Variants in FOXO1 observed in about 807,000 individuals in gnomAD.
The protein encoded by FOXO1 is forkhead box protein O1.
A neutral mutation model predicts 44.1 loss-of-function variants in FOXO1; 6 were observed. That is an observed-to-expected ratio of 0.14 (90% confidence interval 0.07 to 0.27). The LOEUF is 0.27. FOXO1 is among the 10% of genes least tolerant of loss of function. The pLI is 1.00. For synonymous variants in FOXO1, 380 were observed against 362.7 expected (o/e 1.05, Z -0.54); for missense variants, 737 against 888.8 (o/e 0.83, Z 2.17).
intron 1 of FOXO1, among the ~76,000 whole-genome samples, chr13:40,597,027 G>A (rs748366872): frequency 1.9e-4 from 29 of 152,184 alleles, no homozygotes; most frequent in Non-Finnish European, 3.5e-4. Flanking sequence ...TGTCCTTCAT[G>A]AGCCAGCAGC....
At chr13:40,591,785 T>G (rs1171946938) in intron 1 of FOXO1, among the ~76,000 whole-genome samples, 1 of 152,124 alleles carries the variant, frequency 6.6e-6, no homozygotes, top group Non-Finnish European at 1.5e-5. Flanking sequence ...CACTGCAACC[T>G]CCACCTCCCA....
intron 1 of FOXO1, among the ~76,000 whole-genome samples, chr13:40,576,244 G>A (rs1265693643): frequency 6.6e-6 from 1 of 152,170 alleles, no homozygotes; most frequent in Non-Finnish European, 1.5e-5. Context: ...GAGAGAGAGA[G>A]AGGAGGTACG....
In FOXO1 at chr13:40,619,755, T is replaced by C. The variant is rs550382929; in HGVS notation, c.630+45828A>G. 2.9e-4 allele frequency: 247 copies of C among 862,924 alleles called. 1 individual carries two copies. The African/African-American group carries it at 3.4e-3, about 12-fold the overall frequency. 53.5% of individuals were successfully genotyped at this position (862,924 alleles called of 1,614,324 possible). A position where few individuals can be genotyped will look rare whatever the true frequency, so the allele number is the denominator to read the frequency against. On this transcript the variant is annotated intron_variant, in intron 1 of 2. Coordinates refer to ENST00000379561, the MANE Select transcript of FOXO1 (RefSeq NM_002015.4). ...TCTCAACAGTAGGAAGATTAAAAAA[T>C]GGAACTGGGGGATCAGCTGGCATTC... is the stretch of plus-strand genomic sequence containing the variant.
chr13:40,623,298 T>C (rs1322511974), intron 1 of FOXO1, among the ~76,000 whole-genome samples: 1 of 152,158 alleles, frequency 6.6e-6, no homozygotes, highest in Admixed American at 6.5e-5. Context: ...CGGGGGTCCG[T>C]GTGGGGCATT....
At chr13:40,590,352 T>C (rs1382133450) in intron 1 of FOXO1, among the ~76,000 whole-genome samples, 3 of 152,182 alleles carry the variant, frequency 2.0e-5, no homozygotes, top group Non-Finnish European at 4.4e-5. Context: ...AACAGAAACC[T>C]TCTCCTTGCT....
intron 1 of FOXO1, among the ~76,000 whole-genome samples, chr13:40,598,972 T>C (rs1273892990): frequency 2.0e-5 from 3 of 152,148 alleles, no homozygotes; most frequent in Non-Finnish European, 4.4e-5. Flanking sequence ...CTTGGGAAAA[T>C]AAATCTTGTT....
intron 1 of FOXO1, among the ~76,000 whole-genome samples, chr13:40,618,226 C>T (rs1876491207): frequency 2.0e-5 from 3 of 152,266 alleles, no homozygotes; most frequent in African/African-American, 7.2e-5. Flanking sequence ...AACAGGCATA[C>T]GCCACACACC....
intron 1 of FOXO1, among the ~76,000 whole-genome samples, chr13:40,637,844 G>T (rs188248949): frequency 1.3e-5 from 2 of 152,256 alleles, no homozygotes; most frequent in Non-Finnish European, 2.9e-5. Flanking sequence ...CTACTATACT[G>T]ACTTCCTCAG....
chr13:40,580,504 T>A (rs962285347), intron 1 of FOXO1, among the ~76,000 whole-genome samples: 3 of 152,152 alleles, frequency 2.0e-5, no homozygotes, highest in African/African-American at 7.2e-5. Flanking sequence ...CAGGCTTCAA[T>A]CTCCTCATCT....
chr13:40,590,916 T>C (rs1224265988), intron 1 of FOXO1, among the ~76,000 whole-genome samples: 1 of 152,208 alleles, frequency 6.6e-6, no homozygotes, highest in Non-Finnish European at 1.5e-5. Context: ...CAAAATCCTC[T>C]TCTACTTCAT....
intron 1 of FOXO1, among the ~76,000 whole-genome samples, chr13:40,624,423 G>A (rs1163194814): frequency 6.6e-6 from 1 of 151,382 alleles, no homozygotes; most frequent in Non-Finnish European, 1.5e-5. Flanking sequence ...TTGCAGCAAT[G>A]CTTTGCTTTA....
chr13:40,578,953 T>C (rs1272092650), intron 1 of FOXO1, among the ~76,000 whole-genome samples: 1 of 152,222 alleles, frequency 6.6e-6, no homozygotes, highest in Non-Finnish European at 1.5e-5. Context: ...GCACACATTT[T>C]GGAAAATGCT....
intron 1 of FOXO1, among the ~76,000 whole-genome samples, chr13:40,657,570 A>G (rs1028677995): frequency 2.0e-5 from 3 of 151,980 alleles, no homozygotes; most frequent in Non-Finnish European, 4.4e-5. Context: ...CTGACCTCAA[A>G]TGATCTGCCC....
chr13:40,614,244 G>A (rs761197138), intron 1 of FOXO1, among the ~76,000 whole-genome samples: 8 of 152,112 alleles, frequency 5.3e-5, no homozygotes, highest in Non-Finnish European at 1.0e-4. Context: ...CATCGTCTTC[G>A]TCTCCTCTAG....
chr13:40,651,740 T>C (rs1483081616), intron 1 of FOXO1, among the ~76,000 whole-genome samples: 1 of 151,586 alleles, frequency 6.6e-6, no homozygotes. Context: ...AATATAAGAT[T>C]ATAAATAAAT....
intron 1 of FOXO1, among the ~76,000 whole-genome samples, chr13:40,565,064 C>T (rs1024703843): frequency 2.0e-5 from 3 of 147,578 alleles, no homozygotes; most frequent in African/African-American, 2.4e-5. Context: ...AGCAAATGGG[C>T]TAAAGCTTGT....
intron 1 of FOXO1, among the ~76,000 whole-genome samples, chr13:40,582,252 A>C (rs1301684446): frequency 6.6e-6 from 1 of 152,244 alleles, no homozygotes; most frequent in African/African-American, 2.4e-5. Context: ...CTTAATTAAA[A>C]ACTTTTATTG....
intron 1 of FOXO1, among the ~76,000 whole-genome samples, chr13:40,585,772 A>C (rs1448287183): frequency 6.6e-6 from 1 of 152,184 alleles, no homozygotes; most frequent in East Asian, 1.9e-4. Context: ...TTGTATACAA[A>C]AGCTAAACGA....
At chr13:40,650,580 G>A (rs1877647921) in intron 1 of FOXO1, among the ~76,000 whole-genome samples, 1 of 152,154 alleles carries the variant, frequency 6.6e-6, no homozygotes. Flanking sequence ...ACAAAGAAGG[G>A]CAGTGACACC....
Sources: allele counts gnomAD v4.1 joint callset (sites outside exome capture counted in the v4.1 genomes callset), GRCh38; gene constraint gnomAD v4.1.1; transcripts MANE v1.5; gene names NCBI Gene and HGNC (gene_info 2026-07-23, HGNC 2026-07-21).